Variants in SPEN observed in about 807,000 individuals in gnomAD.
The protein encoded by SPEN is spen family transcriptional repressor.
In SPEN, 18 loss-of-function variants were observed where a neutral mutation model predicts 269.9. The observed-to-expected ratio is 0.07, with a 90% CI of 0.05 to 0.10. SPEN has a LOEUF of 0.10. Among genes scored for constraint, SPEN ranks in the 10% least tolerant of loss-of-function variants. The pLI, the probability that SPEN is intolerant of heterozygous loss-of-function variation, is 1.00. For synonymous variants in SPEN, 1,726 were observed against 1,765.7 expected (o/e 0.98, Z 0.56); for missense variants, 3,822 against 4,631.2 (o/e 0.83, Z 5.07).
chr1:15,900,713 G>C (rs1557748858), intron 3 of SPEN, among the ~76,000 whole-genome samples: 2 of 152,140 alleles, frequency 1.3e-5, no homozygotes, highest in African/African-American at 4.8e-5. Context: ...ATTGCAGCTT[G>C]AAATTAGCAT....
chr1:15,908,434 T>TC, intron 3 of SPEN, among the ~76,000 whole-genome samples: 1 of 152,116 alleles, frequency 6.6e-6, no homozygotes, highest in East Asian at 1.9e-4. Context: ...ATTCTTTTTT[T>TC]TTTTCTAAGA....
At position 15,933,674 on chromosome 1, in the gene SPEN, A is replaced by T. The variant is rs757030093; in HGVS notation, c.7434A>T (p.Ala2478=). The T allele has an allele frequency of 5.0e-6, 8 of 1,613,994 alleles. No individual in the cohort carries two copies. Among genetic ancestry groups the T allele is most frequent in the Non-Finnish European group, 6.8e-6 (8 of 1,180,018 alleles). The part of the protein sequence containing the change: ...PIPTLPSVTA[A]KLSPPVASGG... ...CCACACTGCCTTCTGTAACTGCAGCAAAGCTCTCACCTCCTGTCGCCTCTG... is the reference window on the plus strand; with the variant it reads ...CCACACTGCCTTCTGTAACTGCAGCTAAGCTCTCACCTCCTGTCGCCTCTG... The change falls in exon 11 of 15, where the codon GCA becomes GCT. Residue 2478 remains alanine, a synonymous_variant. Coordinates refer to ENST00000375759, the MANE Select transcript of SPEN (RefSeq NM_015001.3). This position sits in a 1 kb window ranked among gnomAD's most constrained non-coding sequence, Gnocchi z 5.7.
In SPEN at chr1:15,899,861, T is replaced by C. The variant is rs377003565; in HGVS notation, c.882-9460T>C. 2.2e-4 allele frequency among the ~76,000 whole-genome samples: 34 copies of C among 152,216 alleles called. 1 individual carries two copies. The highest frequency in any genetic ancestry group is 7.9e-4 in the African/African-American group (33 of 41,544). On this transcript the variant is annotated intron_variant, in intron 3 of 14. Transcript: ENST00000375759. ...TTTTTTTATTTTATTTATTTATTTA[T>C]TTTTGAGAGAGAGTGTCACTGTCAC...
intron 1 of SPEN, among the ~76,000 whole-genome samples, chr1:15,852,544 G>A (rs1243382379): frequency 1.3e-5 from 2 of 152,160 alleles, no homozygotes; most frequent in Non-Finnish European, 2.9e-5. Context: ...CTGGCAGATT[G>A]GAGGAAAATA....
In SPEN at chr1:15,939,322, G is replaced by A. The variant is rs766230478; in HGVS notation, c.10890G>A (p.Pro3630=). 21 of 1,600,868 alleles carry A rather than the reference G, an allele frequency of 1.3e-5. No homozygotes were observed. Among genetic ancestry groups the A allele is most frequent in the African/African-American group, 6.7e-5 (5 of 74,288 alleles). ...NQPAYVLQIF[P]PCEFSESHLS... is the part of the protein sequence containing the mutation. Reference sequence around the variant, plus strand: ...CTGCCTACGTGCTGCAGATCTTCCCGCCCTGTGAGTTCTCTGAGAGTCACC... The same window carrying A: ...CTGCCTACGTGCTGCAGATCTTCCCACCCTGTGAGTTCTCTGAGAGTCACC... The change falls in exon 15 of 15, where the codon CCG becomes CCA. Residue 3630 remains proline, a synonymous_variant. Transcript: ENST00000375759. The surrounding 1 kb of genome is among the most constrained non-coding windows in gnomAD (Gnocchi z 4.1).
At chr1:15,895,012 TC>T (rs2070827189) in intron 3 of SPEN, among the ~76,000 whole-genome samples, 1 of 152,142 alleles carries the variant, frequency 6.6e-6, no homozygotes, top group Non-Finnish European at 1.5e-5. Context: ...AAACTCTGCC[TC>T]CCGGGTTCAA....
chr1:15,935,197 A>T lies in SPEN; in HGVS notation c.8957A>T (p.His2986Leu). Residue 2986 changes from histidine to leucine, a missense_variant, in exon 11 of 15, where the codon CAC (histidine) becomes CTC (leucine). Coordinates refer to ENST00000375759, the MANE Select transcript of SPEN (RefSeq NM_015001.3). This position sits in a 1 kb window ranked among gnomAD's most constrained non-coding sequence, Gnocchi z 7.7. ...ANLGSTLTPH[H>L]PPALPSKLPT... ...CTGGGGTCCACGCTCACGCCCCACC[A>T]CCCTCCTGCTCTGCCCAGCAAACTG... The T allele has an allele frequency of 1.2e-6, 2 of 1,612,148 alleles. No individual in the cohort carries two copies. The highest frequency in any genetic ancestry group is 1.7e-6 in the Non-Finnish European group (2 of 1,179,422).
intron 14 of SPEN, 44 bp downstream of exon 14, chr1:15,938,920 G>A (rs1158414745): frequency 6.3e-7 from 1 of 1,596,856 alleles, no homozygotes; most frequent in African/African-American, 1.3e-5. Flanking sequence ...ACCCACAGGT[G>A]GGGCTGATCA....
At chr1:15,866,300 A>G (rs990161978) in intron 1 of SPEN, among the ~76,000 whole-genome samples, 1 of 152,146 alleles carries the variant, frequency 6.6e-6, no homozygotes, top group African/African-American at 2.4e-5. Context: ...TTGTTACTAA[A>G]TATTTGTTAC....
At chr1:15,866,650 G>A (rs2070514958) in intron 1 of SPEN, among the ~76,000 whole-genome samples, 1 of 152,144 alleles carries the variant, frequency 6.6e-6, no homozygotes, top group South Asian at 2.1e-4. Context: ...ACCGCGCCCG[G>A]CTGGAATACA....
Position 15,916,297 on chromosome 1 carries a change from T to C in SPEN, c.1395+18T>C, listed in dbSNP as rs565597391. 2 of 1,606,020 alleles carry C rather than the reference T, an allele frequency of 1.2e-6. No individual in the cohort carries two copies. Among genetic ancestry groups the C allele is most frequent in the Admixed American group, 1.7e-5 (1 of 57,454 alleles). ...AAATTGTGGTATGTTGCTTTTACTA[T>C]GTAAACAATTTTAGGTCTTTGTCAT... On this transcript the variant is annotated intron_variant, in intron 6 of 14. Coordinates refer to ENST00000375759, the MANE Select transcript of SPEN (RefSeq NM_015001.3).
chr1:15,935,447 C>T lies in SPEN; in HGVS notation c.9207C>T (p.Ser3069=). ...AAGIPVPQFI[S]SIHPEQSVIM... is the part of the protein sequence containing the mutation. ...GCATCCCAGTGCCCCAGTTCATCTC[C>T]AGCATCCACCCAGAGCAGTCTGTCA... The change falls in exon 11 of 15, where the codon TCC becomes TCT. Residue 3069 remains serine, a synonymous_variant. Coordinates refer to ENST00000375759, the MANE Select transcript of SPEN (RefSeq NM_015001.3). The surrounding 1 kb of genome is among the most constrained non-coding windows in gnomAD (Gnocchi z 7.7). 1.2e-6 allele frequency: 2 copies of T among 1,614,174 alleles called. No individual in the cohort carries two copies. The highest frequency in any genetic ancestry group is 1.7e-6 in the Non-Finnish European group (2 of 1,180,028).
rs752299592 is a variant in SPEN at position 15,935,601 on chromosome 1, C to T, written c.9361C>T (p.Arg3121Trp). The part of the protein sequence containing the change: ...SIRPEALHSP[R>W]APLQPQQIEV... ...CCGGCCAGAAGCGCTTCACTCTCCT[C>T]GGGCTCCGCTGCAGCCCCAGCAAAT... Residue 3121 changes from arginine (R) to tryptophan (W), a missense_variant, in exon 11 of 15, where the codon CGG becomes TGG. This residue lies in a region of SPEN where 153 missense variants were observed against 228.5 expected (regional missense o/e 0.67). Coordinates refer to ENST00000375759, the MANE Select transcript of SPEN (RefSeq NM_015001.3). This position sits in a 1 kb window ranked among gnomAD's most constrained non-coding sequence, Gnocchi z 7.7. 17 of 1,614,142 alleles carry T rather than the reference C, an allele frequency of 1.1e-5. No individual in the cohort carries two copies. The highest frequency in any genetic ancestry group is 1.4e-5 in the Non-Finnish European group (16 of 1,180,006).
chr1:15,875,333 A>G (rs1482715212), intron 2 of SPEN, among the ~76,000 whole-genome samples: 1 of 152,166 alleles, frequency 6.6e-6, no homozygotes, highest in Non-Finnish European at 1.5e-5. Flanking sequence ...ATAGTTCCTA[A>G]TGTTACCTAA....
Position 15,933,644 on chromosome 1 carries a change from C to T in SPEN, c.7404C>T (p.Pro2468=). 3 of 1,614,164 alleles carry T rather than the reference C, an allele frequency of 1.9e-6. No individual in the cohort carries two copies. Among genetic ancestry groups the T allele is most frequent in the African/African-American group, 2.7e-5 (2 of 75,038 alleles). ...CCCCACCCAGCGATCCAAGCATCCC[C>T]ATACCCACACTGCCTTCTGTAACTG... is the stretch of plus-strand genomic sequence containing the variant. ...PVTPPSDPSI[P]IPTLPSVTAA... is the part of the protein sequence containing the mutation. Residue 2468 remains proline, a synonymous_variant, in exon 11 of 15, where the codon CCC becomes CCT. Transcript: ENST00000375759. This position sits in a 1 kb window ranked among gnomAD's most constrained non-coding sequence, Gnocchi z 5.7.
At chr1:15,913,310 G>C (rs780423946) in intron 5 of SPEN, among the ~76,000 whole-genome samples, 1 of 152,270 alleles carries the variant, frequency 6.6e-6, no homozygotes, top group Admixed American at 6.5e-5. Context: ...ACAAGTTCAA[G>C]AAGTTTTTTC....
chr1:15,851,004 G>C (rs2070330361), intron 1 of SPEN, among the ~76,000 whole-genome samples: 1 of 152,170 alleles, frequency 6.6e-6, no homozygotes, highest in Non-Finnish European at 1.5e-5. Context: ...ACAGTGATTA[G>C]GCTTTTGTAG....
chr1:15,919,297 T>A (rs1289062824), intron 7 of SPEN, 107 bp from the exon 8 acceptor site: 5 of 767,628 alleles, frequency 6.5e-6, no homozygotes, highest in Non-Finnish European at 1.0e-5. Flanking sequence ...CCACTTGAGA[T>A]GTTGATTTGA....
chr1:15,933,348 A>C lies in SPEN; in HGVS notation c.7108A>C (p.Asn2370His). 1 of 1,614,126 alleles carries C rather than the reference A, an allele frequency of 6.2e-7. No homozygotes were observed. Among genetic ancestry groups the C allele is most frequent in the Non-Finnish European group, 8.5e-7 (1 of 1,180,012 alleles). Residue 2370 changes from asparagine (N) to histidine (H), a missense_variant, in exon 11 of 15, where the codon AAT becomes CAT. Transcript: ENST00000375759. This position sits in a 1 kb window ranked among gnomAD's most constrained non-coding sequence, Gnocchi z 5.7. ...NQAQGESPAA[N>H]EGTTVQHPEA... is the part of the protein sequence containing the mutation. Reference sequence around the variant, plus strand: ...AGCTCAAGGTGAGAGTCCTGCTGCAAATGAGGGGACAACAGTACAGCACCC... The same window carrying C: ...AGCTCAAGGTGAGAGTCCTGCTGCACATGAGGGGACAACAGTACAGCACCC...
Sources: allele counts gnomAD v4.1 joint callset (sites outside exome capture counted in the v4.1 genomes callset), GRCh38; gene constraint gnomAD v4.1.1; regional missense constraint gnomAD v4.1.1; non-coding constraint Gnocchi (gnomAD v3.1); transcripts MANE v1.5; gene names NCBI Gene and HGNC (gene_info 2026-07-23, HGNC 2026-07-21).